The following GBF1 variants were observed in gnomAD, a reference collection of about 807,000 sequenced individuals.
GBF1 encodes Golgi-specific brefeldin A-resistance guanine nucleotide exchange factor 1.
A neutral mutation model predicts 210.5 loss-of-function variants in GBF1; 114 were observed. The ratio of observed to expected loss-of-function variants is 0.54; its 90% CI spans 0.47 to 0.63. The LOEUF (loss-of-function observed/expected upper bound fraction) is 0.63. Ranked by LOEUF, GBF1 falls within the 30% of genes least tolerant of loss-of-function variation. The pLI is 0.00. For missense variants in GBF1, 1,851 were observed against 2,357.7 expected (o/e 0.79, Z 4.45); for synonymous variants, 850 against 889.2 (o/e 0.96, Z 0.78).
intron 3 of GBF1, among the ~76,000 whole-genome samples, chr10:102,293,764 G>GTTTTTTATTTTTTTTTT (rs1263151407): frequency 2.0e-5 from 1 of 50,888 alleles, no homozygotes; most frequent in Non-Finnish European, 4.2e-5. Flanking sequence ...GCTGTAGTAT[G>GTTTTTTATTTTTTTTTT]TTTTGTGTTT....
chr10:102,369,833 C>T (rs368473530), intron 25 of GBF1, 28 bp from the exon 26 acceptor site: 49 of 1,614,024 alleles, frequency 3.0e-5, no homozygotes, highest in South Asian at 5.5e-5. Context: ...CTTTGGGGCT[C>T]ACCAGGCCAT....
intron 1 of GBF1, among the ~76,000 whole-genome samples, chr10:102,257,204 G>T (rs185183259): frequency 1.3e-5 from 2 of 152,184 alleles, no homozygotes; most frequent in Admixed American, 1.3e-4. Flanking sequence ...CTTTCTTGCT[G>T]TCAGTTAATA....
At chr10:102,351,044 G>A (rs1330646826) in intron 4 of GBF1, among the ~76,000 whole-genome samples, 13 of 148,882 alleles carry the variant, frequency 8.7e-5, no homozygotes, top group South Asian at 4.2e-4. Context: ...CTGAGATCAC[G>A]TCATTGCACT....
intron 3 of GBF1, among the ~76,000 whole-genome samples, chr10:102,316,158 C>T (rs528772090): frequency 2.0e-5 from 3 of 148,392 alleles, no homozygotes; most frequent in African/African-American, 5.0e-5. Context: ...GCAATATCAG[C>T]TCACTGCAAC....
chr10:102,282,195 A>T (rs1441343318), intron 3 of GBF1, among the ~76,000 whole-genome samples: 1 of 151,568 alleles, frequency 6.6e-6, no homozygotes, highest in African/African-American at 2.4e-5. Flanking sequence ...TCGGCCTCTC[A>T]AAGTGCTGGG....
intron 3 of GBF1, among the ~76,000 whole-genome samples, chr10:102,310,461 T>C (rs1236956453): frequency 6.6e-6 from 1 of 152,034 alleles, no homozygotes; most frequent in East Asian, 1.9e-4. Context: ...GTTAGATCTC[T>C]GTTAGGTCAT....
intron 3 of GBF1, among the ~76,000 whole-genome samples, chr10:102,339,893 C>A (rs1162955102): frequency 6.6e-6 from 1 of 150,914 alleles, no homozygotes; most frequent in Non-Finnish European, 1.5e-5. Context: ...CTCAAGCAAT[C>A]CTCTCACCTC....
intron 3 of GBF1, among the ~76,000 whole-genome samples, chr10:102,290,591 T>G (rs1269023963): frequency 6.6e-6 from 1 of 152,162 alleles, no homozygotes; most frequent in Non-Finnish European, 1.5e-5. Flanking sequence ...CTTGACTGCC[T>G]GGGCTTAGGT....
At chr10:102,290,999 G>A (rs914848799) in intron 3 of GBF1, among the ~76,000 whole-genome samples, 12 of 152,132 alleles carry the variant, frequency 7.9e-5, no homozygotes, top group African/African-American at 2.9e-4. Context: ...ACTGTTTGGG[G>A]TTTTTCCTAT....
chr10:102,288,572 G>T (rs1164560071), intron 3 of GBF1, among the ~76,000 whole-genome samples: 3 of 151,680 alleles, frequency 2.0e-5, no homozygotes, highest in African/African-American at 7.3e-5. Flanking sequence ...TTAGCCGGGC[G>T]CGGTGGCGGG....
rs137950733 is a variant in GBF1 at position 102,317,677 on chromosome 10, A to G, written c.164-26374A>G. ...AAGAACCTCCATAGTCCAATCACCT[A>G]AAGATAACTATTATTTTATCTTTTT... On this transcript the variant is annotated intron_variant, in intron 3 of 39. Coordinates refer to ENST00000369983, the MANE Select transcript of GBF1 (RefSeq NM_001377137.1). 2.5e-3 allele frequency among the ~76,000 whole-genome samples: 382 copies of G among 152,296 alleles called. 1 individual carries two copies. Among genetic ancestry groups the G allele is most frequent in the African/African-American group, 8.7e-3 (362 of 41,566 alleles).
intron 3 of GBF1, among the ~76,000 whole-genome samples, chr10:102,284,380 A>G (rs921077875): frequency 1.3e-5 from 2 of 152,160 alleles, no homozygotes; most frequent in African/African-American, 2.4e-5. Context: ...TCATCGCCCC[A>G]AAAGGAAATC....
intron 3 of GBF1, among the ~76,000 whole-genome samples, chr10:102,324,777 A>G (rs921220669): frequency 6.6e-6 from 1 of 152,074 alleles, no homozygotes; most frequent in Admixed American, 6.6e-5. Flanking sequence ...TAGTAAAGAC[A>G]GGGTTTCACC....
Position 102,366,254 on chromosome 10 carries a change from AC to A in GBF1, c.2310-128del, listed in dbSNP as rs1361748079. The stretch of plus-strand genomic sequence containing the variant: ...GTTGTGTTAGGGATGAACAGGAGAT[AC>A]TGCCCCTTTACTAGAGACCTCAGCC... On this transcript the variant is annotated intron_variant, in intron 18 of 39. Transcript: ENST00000369983. This position sits in a 1 kb window ranked among gnomAD's most constrained non-coding sequence, Gnocchi z 4.0. 5.8e-6 allele frequency: 5 copies of A among 860,704 alleles called. No individual in the cohort carries two copies. Among genetic ancestry groups the A allele is most frequent in the African/African-American group, 3.3e-5 (2 of 59,706 alleles). 53.3% of individuals were successfully genotyped at this position (860,704 alleles called of 1,614,324 possible). A position where few individuals can be genotyped will look rare whatever the true frequency, so the allele number is the denominator to read the frequency against.
chr10:102,275,001 C>T (rs746459538), intron 3 of GBF1, among the ~76,000 whole-genome samples: 2 of 147,518 alleles, frequency 1.4e-5, no homozygotes, highest in African/African-American at 2.5e-5. Context: ...TGTGATCCAC[C>T]GCGCCAGGAC....
chr10:102,307,096 G>A (rs2077952106), intron 3 of GBF1, among the ~76,000 whole-genome samples: 1 of 152,214 alleles, frequency 6.6e-6, no homozygotes, highest in Non-Finnish European at 1.5e-5. Context: ...AGACTATCCA[G>A]AATTTCCATT....
At chr10:102,328,565 C>CTCTTGGAAAACATTTACTCTTGGA (rs1421930190) in intron 3 of GBF1, among the ~76,000 whole-genome samples, 2 of 152,086 alleles carry the variant, frequency 1.3e-5, no homozygotes, top group African/African-American at 2.4e-5. Flanking sequence ...TAACTATTTC[C>CTCTTGGAAAACATTTACTCTTGGA]AGCTCTTGGG....
At chr10:102,359,116 G>A (rs2059449282) in intron 10 of GBF1, 151 bp from the exon 11 acceptor site, 1 of 644,120 alleles carries the variant, frequency 1.6e-6, no homozygotes, top group East Asian at 2.7e-5. Context: ...ACTCCTACCT[G>A]AGCCATCTTG....
In GBF1 at chr10:102,380,630, T is replaced by C. The variant is rs200174310; in HGVS notation, c.5117T>C (p.Ile1706Thr). 50 of 1,613,946 alleles carry C rather than the reference T, an allele frequency of 3.1e-5. No individual in the cohort carries two copies. The highest frequency in any genetic ancestry group is 1.1e-5 in the South Asian group (1 of 91,078). Residue 1706 changes from isoleucine (I) to threonine (T), a missense_variant, in exon 38 of 40, where the codon ATT becomes ACT. Ile to Thr is a moderately conservative substitution (Grantham distance 89, BLOSUM62 -1). Transcript: ENST00000369983. ...SALWEITWER[I>T]DCFLPHLRDE... ...CTCTGGGAGATCACCTGGGAACGCA[T>C]TGACTGTTTTCTCCCTCACCTACGA... is the stretch of plus-strand genomic sequence containing the variant.
Sources: allele counts gnomAD v4.1 joint callset (sites outside exome capture counted in the v4.1 genomes callset), GRCh38; gene constraint gnomAD v4.1.1; non-coding constraint Gnocchi (gnomAD v3.1); transcripts MANE v1.5; gene names NCBI Gene and HGNC (gene_info 2026-07-23, HGNC 2026-07-21).